Variants in TCERG1 observed in about 807,000 individuals in gnomAD.
TCERG1 encodes the protein TATA box binding protein (TBP)-associated factor, RNA polymerase II, S, 150kD.
In TCERG1, 37 loss-of-function variants were observed where a neutral mutation model predicts 144.7. The ratio of observed to expected loss-of-function variants is 0.26; its 90% CI spans 0.20 to 0.34. The LOEUF is 0.34. TCERG1 is among the 10% of genes least tolerant of loss of function. The probability of loss-of-function intolerance (pLI) is 1.00; values close to 1 mark genes in which losing one functional copy is unlikely to be tolerated. For synonymous variants in TCERG1, 492 were observed against 458.2 expected, an observed-to-expected ratio of 1.07 and a Z score of -0.94; for missense variants, 1,027 against 1,380.7, an observed-to-expected ratio of 0.74 and a Z score of 4.06.
At chr5:146,476,387 A>G (rs1007364669) in intron 9 of TCERG1, among the ~76,000 whole-genome samples, 1 of 152,202 alleles carries the variant, frequency 6.6e-6, no homozygotes, top group Non-Finnish European at 1.5e-5. Context: ...CATGTCACTG[A>G]GTAACAATAC....
chr5:146,487,230 T>A (rs918125317), intron 15 of TCERG1, among the ~76,000 whole-genome samples: 1 of 151,996 alleles, frequency 6.6e-6, no homozygotes, highest in Non-Finnish European at 1.5e-5. Flanking sequence ...ATAAATAAGA[T>A]AACTAAGAAT....
At chr5:146,478,130 CT>C (rs1765023789) in intron 9 of TCERG1, among the ~76,000 whole-genome samples, 1 of 152,124 alleles carries the variant, frequency 6.6e-6, no homozygotes, top group South Asian at 2.1e-4. Flanking sequence ...TATGTCTGTT[CT>C]TTAGCTTTAG....
At chr5:146,494,325 T>TCTTAAGATGTCTGCAG (rs1272292588) in intron 16 of TCERG1, among the ~76,000 whole-genome samples, 3 of 152,250 alleles carry the variant, frequency 2.0e-5, no homozygotes, top group African/African-American at 7.2e-5. Flanking sequence ...CTAAGTGAAG[T>TCTTAAGATGTCTGCAG]CTTAAGATGT....
chr5:146,498,782 A>C (rs1767165750), intron 17 of TCERG1, 96 bp downstream of exon 17: 5 of 1,332,040 alleles, frequency 3.8e-6, no homozygotes, highest in Admixed American at 3.0e-5. Flanking sequence ...CATTGGCATA[A>C]ATAATAGGAC....
intron 16 of TCERG1, among the ~76,000 whole-genome samples, chr5:146,496,248 G>C (rs1037001835): frequency 3.3e-5 from 5 of 152,090 alleles, no homozygotes; most frequent in African/African-American, 1.2e-4. Flanking sequence ...TATTTAACCT[G>C]TTTGGAGTTT....
intron 1 of TCERG1, among the ~76,000 whole-genome samples, chr5:146,447,807 C>G (rs571070504): frequency 9.5e-4 from 145 of 152,382 alleles, no homozygotes; most frequent in Non-Finnish European, 1.8e-3. Context: ...CTCTGCACTC[C>G]GCAGTTACTT....
intron 19 of TCERG1, among the ~76,000 whole-genome samples, chr5:146,505,925 C>T (rs931890710): frequency 5.9e-5 from 9 of 152,050 alleles, no homozygotes; most frequent in South Asian, 4.1e-4. Context: ...TACAGGCATG[C>T]GCCACCACAC....
chr5:146,468,340 G>T lies in TCERG1; in HGVS notation c.1136-1G>T. The T allele has an allele frequency of 6.2e-7, 1 of 1,601,152 alleles. No individual in the cohort carries two copies. On this transcript the variant is annotated splice_acceptor_variant, in intron 5 of 22. Coordinates refer to ENST00000679501, the MANE Select transcript of TCERG1 (RefSeq NM_001382548.1). LOFTEE classifies it high-confidence loss of function. ...CGTATGCTTGCTTATCCATTTTACA[G>T]GTGTAGCAATGATGCAAATAGTCAG...
intron 1 of TCERG1, 79 bp from the exon 2 acceptor site, chr5:146,454,977 G>A (rs977714254): frequency 1.2e-5 from 17 of 1,450,846 alleles, no homozygotes; most frequent in Non-Finnish European, 4.7e-6. Context: ...TTTTAAATTT[G>A]ATGGATGTAA....
At chr5:146,470,881 C>A in intron 8 of TCERG1, 133 bp downstream of exon 8, 2 of 622,838 alleles carry the variant, frequency 3.2e-6, no homozygotes, top group Non-Finnish European at 2.5e-6. Context: ...AGGATTCTTG[C>A]AAGTTCTTAA....
chr5:146,458,393 G>A (rs998017899), intron 3 of TCERG1, among the ~76,000 whole-genome samples: 2 of 151,750 alleles, frequency 1.3e-5, no homozygotes, highest in African/African-American at 4.8e-5. Flanking sequence ...GGCCAGGTTG[G>A]TCTCAAACTC....
In TCERG1 at chr5:146,464,269, A is replaced by G. The variant is rs193000675; in HGVS notation, c.1135+476A>G. Among the ~76,000 whole-genome samples the G allele has an allele frequency of 2.4e-3, 368 of 152,330 alleles. 1 individual carries two copies. Among genetic ancestry groups the G allele is most frequent in the African/African-American group, 8.4e-3 (351 of 41,576 alleles). On this transcript the variant is annotated intron_variant, in intron 5 of 22. Transcript: ENST00000679501. ...GGTTAAATTACTTGCCCAAGGTCAC[A>G]TAGCTAATAAGTGATGATGTTGAGA...
intron 1 of TCERG1, 39 bp downstream of exon 1, chr5:146,447,447 G>A (rs765557530): frequency 1.3e-6 from 2 of 1,596,172 alleles, no homozygotes; most frequent in Non-Finnish European, 1.7e-6. Flanking sequence ...CTGCTCACGA[G>A]AGCCCCAGAG....
intron 17 of TCERG1, among the ~76,000 whole-genome samples, chr5:146,502,682 A>T (rs1010955509): frequency 1.3e-5 from 2 of 152,202 alleles, no homozygotes; most frequent in African/African-American, 2.4e-5. Context: ...TTATAATGTT[A>T]TAAACATTAC....
chr5:146,471,840 G>A (rs942073199), intron 9 of TCERG1, among the ~76,000 whole-genome samples: 29 of 151,994 alleles, frequency 1.9e-4, no homozygotes, highest in African/African-American at 2.9e-4. Flanking sequence ...CTCGTGATCC[G>A]CCCGCCTCGG....
In TCERG1 at chr5:146,478,618, C is replaced by T; in HGVS notation, c.1727C>T (p.Pro576Leu). The T allele has an allele frequency of 1.2e-6, 2 of 1,602,464 alleles. No individual in the cohort carries two copies. The highest frequency in any genetic ancestry group is 1.7e-6 in the Non-Finnish European group (2 of 1,176,352). Reference sequence around the variant, plus strand: ...GTTGACAAAATTATTCAGGAGCCCCCTCATAAAAAAGGAATGGAGGAATTG... The same window carrying T: ...GTTGACAAAATTATTCAGGAGCCCCTTCATAAAAAAGGAATGGAGGAATTG... ...ADVDKIIQEP[P>L]HKKGMEELKK... The change falls in exon 10 of 23, where the codon CCT becomes CTT. Residue 576 changes from proline to leucine, a missense_variant. Coordinates refer to ENST00000679501, the MANE Select transcript of TCERG1 (RefSeq NM_001382548.1).
chr5:146,494,305 T>C (rs1766684430), intron 16 of TCERG1, among the ~76,000 whole-genome samples: 1 of 152,184 alleles, frequency 6.6e-6, no homozygotes, highest in East Asian at 1.9e-4. Context: ...AGTTGCATGT[T>C]GAAATATTTC....
rs377032726 is a variant in TCERG1 at position 146,488,630 on chromosome 5, TTAAAC to T, written c.2164-4287_2164-4283del. 2.8e-4 allele frequency among the ~76,000 whole-genome samples: 43 copies of T among 152,244 alleles called. No individual in the cohort carries two copies. The East Asian group carries it at 7.7e-3, about 27-fold the overall frequency. ...CTCTTTATATACTGTTGGTTAGAATTTAAACTAGTATATCCACTATGGAAAACAGT... is the reference window on the plus strand; with the variant it reads ...CTCTTTATATACTGTTGGTTAGAATTTAGTATATCCACTATGGAAAACAGT... On this transcript the variant is annotated intron_variant, in intron 15 of 22. Transcript: ENST00000679501.
In TCERG1 at chr5:146,503,501, G is replaced by C. The variant is rs1767668094; in HGVS notation, c.2560G>C (p.Glu854Gln). Reference sequence around the variant, plus strand: ...AGCAGTAGATAGTTCATCAATGAGAGAAGACCTTTTCAAACAGTACATTGA... The same window carrying C: ...AGCAGTAGATAGTTCATCAATGAGACAAGACCTTTTCAAACAGTACATTGA... The part of the protein sequence containing the change: ...YKAVDSSSMR[E>Q]DLFKQYIEKI... The change falls in exon 18 of 23, where the codon GAA (glutamate) becomes CAA (glutamine). Residue 854 changes from glutamate to glutamine, a missense_variant. Physicochemically the swap from Glu to Gln is conservative, Grantham distance 29. Around this residue, in one of 6 missense-constraint regions of TCERG1, gnomAD observed 482 missense variants for 632.6 expected, o/e 0.76. Transcript: ENST00000679501. 8 of 1,613,724 alleles carry C rather than the reference G, an allele frequency of 5.0e-6. No homozygotes were observed. The highest frequency in any genetic ancestry group is 8.5e-7 in the Non-Finnish European group (1 of 1,179,890).
Sources: allele counts gnomAD v4.1 joint callset (sites outside exome capture counted in the v4.1 genomes callset), GRCh38; gene constraint gnomAD v4.1.1; regional missense constraint gnomAD v4.1.1; transcripts MANE v1.5; gene names NCBI Gene and HGNC (gene_info 2026-07-23, HGNC 2026-07-21).